The following USP34 variants were observed in gnomAD, a reference collection of about 807,000 sequenced individuals.
USP34 encodes the protein ubiquitin specific peptidase 34.
A neutral mutation model predicts 460.3 loss-of-function variants in USP34; 70 were observed. That is an observed-to-expected ratio of 0.15 (90% CI 0.13 to 0.19). The LOEUF is 0.19. Ranked by LOEUF, USP34 falls within the 10% of genes least tolerant of loss-of-function variation. The pLI, the probability that USP34 is intolerant of heterozygous loss-of-function variation, is 1.00. For missense variants in USP34, 3,985 were observed against 4,236.2 expected, an observed-to-expected ratio of 0.94 and a Z score of 1.65; for synonymous variants, 1,647 against 1,405.3, an observed-to-expected ratio of 1.17 and a Z score of -3.85.
intron 5 of USP34, among the ~76,000 whole-genome samples, chr2:61,391,288 A>C (rs1693337826): frequency 6.6e-6 from 1 of 152,080 alleles, no homozygotes; most frequent in Non-Finnish European, 1.5e-5. Context: ...TCTACCAGAA[A>C]CACAAAAATT....
intron 37 of USP34, 123 bp downstream of exon 37, chr2:61,283,022 G>T (rs1012428869): frequency 3.1e-6 from 3 of 965,544 alleles, no homozygotes; most frequent in Non-Finnish European, 1.5e-6. Context: ...AAAGGATTAA[G>T]CAGATAATGT....
chr2:61,246,359 A>G lies in USP34; in HGVS notation c.6513T>C (p.Asp2171=). The G allele has an allele frequency of 3.8e-6, 6 of 1,597,948 alleles. No homozygotes were observed. Among genetic ancestry groups the G allele is most frequent in the Non-Finnish European group, 4.3e-6 (5 of 1,172,638 alleles). The change falls in exon 50 of 80, where the codon GAT becomes GAC. Residue 2171 remains aspartate (D), a synonymous_variant. Coordinates refer to ENST00000398571, the MANE Select transcript of USP34 (RefSeq NM_014709.4). ...DGGHYYSFIR[D]IVNPHAYKNN... Reference sequence around the variant, plus strand: ...TTTTATAAGCATGGGGATTTACTATATCTCTGATAAAGCTATAATAGTGTC... The same window carrying G: ...TTTTATAAGCATGGGGATTTACTATGTCTCTGATAAAGCTATAATAGTGTC...
At chr2:61,351,797 T>G (rs988473760) in intron 10 of USP34, among the ~76,000 whole-genome samples, 13 of 152,158 alleles carry the variant, frequency 8.5e-5, no homozygotes, top group African/African-American at 3.1e-4. Context: ...AATTACACTA[T>G]CTGCTTCTAC....
At chr2:61,306,816 C>A (rs938412375) in intron 27 of USP34, among the ~76,000 whole-genome samples, 1 of 152,168 alleles carries the variant, frequency 6.6e-6, no homozygotes, top group Non-Finnish European at 1.5e-5. Flanking sequence ...CAGGAAACAA[C>A]AGCTGCTGGA....
At chr2:61,287,430 TC>T (rs1347544101) in intron 34 of USP34, among the ~76,000 whole-genome samples, 1 of 152,200 alleles carries the variant, frequency 6.6e-6, no homozygotes, top group Non-Finnish European at 1.5e-5. Flanking sequence ...TTTTTATTGC[TC>T]GATGTCCTGG....
At position 61,356,477 on chromosome 2, in the gene USP34, A is replaced by ACG. The variant is rs1558547138; in HGVS notation, c.1252-5785_1252-5784insCG. 5.9e-5 allele frequency among the ~76,000 whole-genome samples: 8 copies of ACG among 136,744 alleles called. No homozygotes were observed. In the South Asian group the frequency reaches 1.3e-3, roughly 22 times the overall value. The allele number at this position is 136,744 out of a possible 152,430, so 89.7% of individuals were successfully genotyped here. A position where few individuals can be genotyped will look rare whatever the true frequency, so the allele number is the denominator to read the frequency against. On this transcript the variant is annotated intron_variant, in intron 10 of 79. Transcript: ENST00000398571. ...AGCACTCCAGCCTGGGTGAAAGCGCACACACACACACACACACACACATAC... is the reference window on the plus strand; with the variant it reads ...AGCACTCCAGCCTGGGTGAAAGCGCACGCACACACACACACACACACACATAC...
chr2:61,262,350 C>T (rs572991605), intron 43 of USP34, among the ~76,000 whole-genome samples: 2 of 152,134 alleles, frequency 1.3e-5, no homozygotes, highest in South Asian at 2.1e-4. Context: ...ACACTCCACC[C>T]TCAGGTAGGA....
intron 29 of USP34, 46 bp from the exon 30 acceptor site, chr2:61,296,971 A>G: frequency 6.5e-7 from 1 of 1,541,624 alleles, no homozygotes; most frequent in Non-Finnish European, 8.7e-7. Context: ...ATCAGAAAAG[A>G]AAAAGTTTTA....
At chr2:61,245,073 A>G in intron 51 of USP34, 137 bp downstream of exon 51, 1 of 595,960 alleles carries the variant, frequency 1.7e-6, no homozygotes, top group Non-Finnish European at 2.9e-6. Flanking sequence ...TAAACTTCCA[A>G]TAAATATAAA....
intron 41 of USP34, among the ~76,000 whole-genome samples, chr2:61,275,580 G>A (rs1689348843): frequency 6.6e-6 from 1 of 151,654 alleles, no homozygotes; most frequent in African/African-American, 2.4e-5. Flanking sequence ...CTATGATTGT[G>A]CCCCTGCACT....
intron 57 of USP34, among the ~76,000 whole-genome samples, chr2:61,233,501 T>A (rs1687974719): frequency 6.6e-6 from 1 of 152,078 alleles, no homozygotes; most frequent in Admixed American, 6.6e-5. Flanking sequence ...TGGAGAAAAC[T>A]GAACATAGGA....
chr2:61,426,911 T>C (rs1317422936), intron 1 of USP34, among the ~76,000 whole-genome samples: 2 of 152,202 alleles, frequency 1.3e-5, no homozygotes, highest in African/African-American at 4.8e-5. Flanking sequence ...AGTCTCCACC[T>C]GGTAATCCAC....
Position 61,470,681 on chromosome 2 carries a change from G to C in USP34, c.12C>G (p.Asn4Lys), listed in dbSNP as rs778598572. MCE[N>K]CADLVEVLNE... ...TTAACACCTCCACCAGGTCTGCGCA[G>C]TTCTCGCACATCGTTCGGCCGCCGC... The change falls in exon 1 of 80, where the codon AAC (asparagine) becomes AAG (lysine). Residue 4 changes from asparagine (N) to lysine (K), a missense_variant. Around this residue, in one of 14 missense-constraint regions of USP34, gnomAD observed 331 missense variants for 293.7 expected, o/e 1.13. Transcript: ENST00000398571. 1.9e-6 allele frequency: 3 copies of C among 1,594,000 alleles called. No individual in the cohort carries two copies. Among genetic ancestry groups the C allele is most frequent in the Admixed American group, 1.7e-5 (1 of 58,564 alleles).
At chr2:61,362,961 A>G (rs1327069603) in intron 10 of USP34, among the ~76,000 whole-genome samples, 1 of 152,248 alleles carries the variant, frequency 6.6e-6, no homozygotes, top group Non-Finnish European at 1.5e-5. Flanking sequence ...CAAATTATAT[A>G]CCTGATTTTA....
At chr2:61,303,280 G>A (rs980103839) in intron 27 of USP34, among the ~76,000 whole-genome samples, 3 of 152,078 alleles carry the variant, frequency 2.0e-5, no homozygotes, top group Non-Finnish European at 4.4e-5. Flanking sequence ...TGGCCAGGCT[G>A]GTCTTGAACT....
At chr2:61,450,626 A>T (rs992993942) in intron 1 of USP34, among the ~76,000 whole-genome samples, 2 of 152,090 alleles carry the variant, frequency 1.3e-5, no homozygotes, top group Non-Finnish European at 2.9e-5. Flanking sequence ...TAATAAAGTA[A>T]AATAAATGAT....
intron 2 of USP34, chr2:61,417,274 A>G: frequency 3.0e-6 from 3 of 986,834 alleles, no homozygotes; most frequent in Non-Finnish European, 4.8e-6. Context: ...AGAGCAACCT[A>G]TACAACAAAC....
intron 10 of USP34, among the ~76,000 whole-genome samples, chr2:61,356,219 G>A (rs933264316): frequency 7.9e-5 from 12 of 151,802 alleles, no homozygotes; most frequent in Non-Finnish European, 1.6e-4. Flanking sequence ...CAGGCACAGT[G>A]GCTCATGCCT....
chr2:61,260,769 G>T (rs904566101), intron 43 of USP34, among the ~76,000 whole-genome samples: 2 of 151,994 alleles, frequency 1.3e-5, no homozygotes, highest in Admixed American at 6.6e-5. Flanking sequence ...ATTTTCCAAC[G>T]TATCAAAGTA....
Sources: allele counts gnomAD v4.1 joint callset (sites outside exome capture counted in the v4.1 genomes callset), GRCh38; gene constraint gnomAD v4.1.1; regional missense constraint gnomAD v4.1.1; transcripts MANE v1.5; gene names NCBI Gene and HGNC (gene_info 2026-07-23, HGNC 2026-07-21).